Variants in DYNC2H1 observed in about 807,000 individuals in gnomAD.
DYNC2H1 encodes dynein cytoplasmic 2 heavy chain 1.
DYNC2H1 carries 410 observed loss-of-function variants against 570.0 expected under a neutral mutation model. The ratio of observed to expected loss-of-function variants is 0.72; its 90% confidence interval spans 0.66 to 0.78. DYNC2H1 has a LOEUF of 0.78. Ranked by LOEUF, DYNC2H1 falls within the 30% of genes least tolerant of loss-of-function variation. The probability of loss-of-function intolerance (pLI) is 0.00; values close to 1 mark genes in which losing one functional copy is unlikely to be tolerated. For synonymous variants in DYNC2H1, 1,688 were observed against 1,677.6 expected (o/e 1.01, Z -0.15); for missense variants, 4,865 against 5,046.4 (o/e 0.96, Z 1.09).
chr11:103,463,023 A>T (rs1324226451), intron 87 of DYNC2H1, among the ~76,000 whole-genome samples: 1 of 152,202 alleles, frequency 6.6e-6, no homozygotes, highest in African/African-American at 2.4e-5. Context: ...ATTCGTTCTC[A>T]AAAATTATGT....
chr11:103,142,287 C>T (rs1219226936), intron 17 of DYNC2H1, among the ~76,000 whole-genome samples: 2 of 152,224 alleles, frequency 1.3e-5, no homozygotes, highest in African/African-American at 4.8e-5. Context: ...GCAGAAATCA[C>T]CTGTCTTCTG....
Position 103,319,153 on chromosome 11 carries a change from C to T in DYNC2H1, c.11726-1876C>T, listed in dbSNP as rs192871511. Among the ~76,000 whole-genome samples, 3 of 152,098 alleles carry T rather than the reference C, an allele frequency of 2.0e-5. No homozygotes were observed. Among genetic ancestry groups the T allele is most frequent in the Non-Finnish European group, 1.5e-5 (1 of 67,954 alleles). ...TTGAATGATGTATCATTGTGTTTCA[C>T]GTTTGTGATAGAATTAATTAATAGC... On this transcript the variant is annotated intron_variant, in intron 80 of 88. Transcript: ENST00000375735. This position sits in a 1 kb window ranked among gnomAD's most constrained non-coding sequence, Gnocchi z 4.3.
In DYNC2H1 at chr11:103,239,226, A is replaced by AT. The variant is rs201592078; in HGVS notation, c.9819+2696dup. On this transcript the variant is annotated intron_variant, in intron 63 of 88. Transcript: ENST00000375735. The surrounding 1 kb of genome is among the most constrained non-coding windows in gnomAD (Gnocchi z 4.3). ...GTTTTAACCACTCAAAATTTCATAG[A>AT]TTTTTTTTTCTTGCTGCCTTTTGGT... Among the ~76,000 whole-genome samples the AT allele has an allele frequency of 8.3e-3, 1,264 of 151,766 alleles. 8 individuals are homozygous for AT. The highest frequency in any genetic ancestry group is 0.022 in the South Asian group (104 of 4,796).
At position 103,427,040 on chromosome 11, in the gene DYNC2H1, G is replaced by A. The variant is rs115637028; in HGVS notation, c.12367-8903G>A. 5.0e-3 allele frequency among the ~76,000 whole-genome samples: 760 copies of A among 152,228 alleles called. 3 individuals are homozygous for A. The highest frequency in any genetic ancestry group is 0.018 in the African/African-American group (727 of 41,534). ...AACTCAATACTACTAGCTTTACAAT[G>A]TTTATAGATCAAATGTTAACGTAAA... On this transcript the variant is annotated intron_variant, in intron 84 of 88. Transcript: ENST00000375735.
rs541531865 is a variant in DYNC2H1 at position 103,244,794 on chromosome 11, A to G, written c.9919-457A>G. On this transcript the variant is annotated intron_variant, in intron 64 of 88. Coordinates refer to ENST00000375735, the MANE Select transcript of DYNC2H1 (RefSeq NM_001377.3). The surrounding 1 kb of genome is among the most constrained non-coding windows in gnomAD (Gnocchi z 4.3). ...TTATATACATATAAGTACTATATCT[A>G]TATATAGTCATAGTTATAGACATAT... Among the ~76,000 whole-genome samples, 1 of 149,496 alleles carries G rather than the reference A, an allele frequency of 6.7e-6. No individual in the cohort carries two copies. The highest frequency in any genetic ancestry group is 2.4e-5 in the African/African-American group (1 of 41,016).
At chr11:103,370,104 C>G (rs1275818889) in intron 83 of DYNC2H1, among the ~76,000 whole-genome samples, 1 of 152,330 alleles carries the variant, frequency 6.6e-6, no homozygotes, top group East Asian at 1.9e-4. Context: ...AAGGGTGAGT[C>G]CCAGGTCAGG....
At chr11:103,211,756 A>G (rs1279951643) in intron 53 of DYNC2H1, 33 bp from the exon 54 acceptor site, 3 of 936,140 alleles carry the variant, frequency 3.2e-6, no homozygotes. Context: ...TCATACATAT[A>G]ATAAGTTATT....
chr11:103,432,333 C>T (rs182554168), intron 84 of DYNC2H1, among the ~76,000 whole-genome samples: 84 of 152,154 alleles, frequency 5.5e-4, no homozygotes, highest in Non-Finnish European at 6.9e-4. Context: ...ATAGAATGGC[C>T]GATGTTGAGT....
At position 103,271,552 on chromosome 11, in the gene DYNC2H1, T is replaced by C. The variant is rs140010637; in HGVS notation, c.10696-8796T>C. 2.6e-3 allele frequency among the ~76,000 whole-genome samples: 393 copies of C among 152,346 alleles called. 3 individuals are homozygous for C. Among genetic ancestry groups the C allele is most frequent in the African/African-American group, 9.1e-3 (377 of 41,586 alleles). ...GGAATGAATTACTTAGATTTTTTACTGCTTCCTTAGTCTCTTTGAGGATCA... is the reference window on the plus strand; with the variant it reads ...GGAATGAATTACTTAGATTTTTTACCGCTTCCTTAGTCTCTTTGAGGATCA... On this transcript the variant is annotated intron_variant, in intron 70 of 88. Coordinates refer to ENST00000375735, the MANE Select transcript of DYNC2H1 (RefSeq NM_001377.3).
intron 2 of DYNC2H1, 145 bp from the exon 3 acceptor site, chr11:103,113,958 T>G: frequency 1.0e-6 from 1 of 985,084 alleles, no homozygotes; most frequent in South Asian, 1.7e-5. Context: ...TAGTTTTAAC[T>G]GTTGAGAGGA....
chr11:103,199,486 C>A lies in DYNC2H1; in HGVS notation c.8088+10C>A. ...AAATGATCTCAAACATGTGAGTTGCCCACTCTCTTTTGCTTTATTTGGTTT... is the reference window on the plus strand; with the variant it reads ...AAATGATCTCAAACATGTGAGTTGCACACTCTCTTTTGCTTTATTTGGTTT... On this transcript the variant is annotated intron_variant, in intron 49 of 88. Coordinates refer to ENST00000375735, the MANE Select transcript of DYNC2H1 (RefSeq NM_001377.3). This position sits in a 1 kb window ranked among gnomAD's most constrained non-coding sequence, Gnocchi z 4.6. 1 of 1,548,942 alleles carries A rather than the reference C, an allele frequency of 6.5e-7. No homozygotes were observed. The highest frequency in any genetic ancestry group is 8.7e-7 in the Non-Finnish European group (1 of 1,146,754).
In DYNC2H1 at chr11:103,187,399, G is replaced by A. The variant is rs1862116391; in HGVS notation, c.6953G>A (p.Cys2318Tyr). Residue 2318 changes from cysteine (C) to tyrosine (Y), a missense_variant, in exon 43 of 89, where the codon TGT becomes TAT. By Grantham distance (194) the Cys-to-Tyr change is radical (BLOSUM62 -2). Coordinates refer to ENST00000375735, the MANE Select transcript of DYNC2H1 (RefSeq NM_001377.3). ...TCCACTCAAATTGCTACAGTTCACT[G>A]TAGTGCACAAACCACTTCTCGACAT... ...LRSTQIATVH[C>Y]SAQTTSRHLL... The A allele has an allele frequency of 6.2e-7, 1 of 1,613,166 alleles. No homozygotes were observed. Among genetic ancestry groups the A allele is most frequent in the Non-Finnish European group, 8.5e-7 (1 of 1,179,394 alleles).
At chr11:103,373,464 A>G (rs1941262037) in intron 83 of DYNC2H1, among the ~76,000 whole-genome samples, 1 of 152,090 alleles carries the variant, frequency 6.6e-6, no homozygotes, top group South Asian at 2.1e-4. Context: ...CCCACTGGTT[A>G]TTAGGGGCAT....
rs937596565 is a variant in DYNC2H1 at position 103,133,371 on chromosome 11, G to A, written c.1954-184G>A. Among the ~76,000 whole-genome samples, 3 of 152,130 alleles carry A rather than the reference G, an allele frequency of 2.0e-5. No individual in the cohort carries two copies. Among genetic ancestry groups the A allele is most frequent in the Non-Finnish European group, 1.5e-5 (1 of 68,028 alleles). Reference sequence around the variant, plus strand: ...GGCTTTTTAGTTGTAAAAGGGAGAAGCTGGAAGAAATGGGCTACTCAATCT... The same window carrying A: ...GGCTTTTTAGTTGTAAAAGGGAGAAACTGGAAGAAATGGGCTACTCAATCT... On this transcript the variant is annotated intron_variant, in intron 13 of 88. Coordinates refer to ENST00000375735, the MANE Select transcript of DYNC2H1 (RefSeq NM_001377.3). The surrounding 1 kb of genome is among the most constrained non-coding windows in gnomAD (Gnocchi z 4.8).
rs764111726 is a variant in DYNC2H1, at chr11:103,325,165, C to G, written c.12039+1175C>G. Among the ~76,000 whole-genome samples the G allele has an allele frequency of 6.6e-6, 1 of 152,108 alleles. No homozygotes were observed. The highest frequency in any genetic ancestry group is 1.5e-5 in the Non-Finnish European group (1 of 68,022). ...CATTTTCTCCTATTCTGTAGGTTGTCTGTTTACTCTGTTGATAGTCTCTTT... is the reference window on the plus strand; with the variant it reads ...CATTTTCTCCTATTCTGTAGGTTGTGTGTTTACTCTGTTGATAGTCTCTTT... On this transcript the variant is annotated intron_variant, in intron 82 of 88. Coordinates refer to ENST00000375735, the MANE Select transcript of DYNC2H1 (RefSeq NM_001377.3). The surrounding 1 kb of genome is among the most constrained non-coding windows in gnomAD (Gnocchi z 4.8).
intron 66 of DYNC2H1, 112 bp downstream of exon 66, chr11:103,253,560 A>C (rs774595909): frequency 1.2e-4 from 127 of 1,064,586 alleles, no homozygotes; most frequent in Non-Finnish European, 1.3e-4. Flanking sequence ...TACATTTATG[A>C]TTTTGAAAAT....
Position 103,109,709 on chromosome 11 carries a change from CG to C in DYNC2H1, c.137del (p.Gly46AlafsTer40), listed in dbSNP as rs1565304660. ...CLEINNFLDD[G>X]NQMLLRVQRS... is the part of the protein sequence containing the mutation. ...TTGAAATCAACAACTTCTTGGATGA[CG>C]GCAACCAGATGCTCCTCAGGGTGCA... On this transcript the variant is annotated frameshift_variant, in exon 1 of 89. Coordinates refer to ENST00000375735, the MANE Select transcript of DYNC2H1 (RefSeq NM_001377.3). LOFTEE classifies it high-confidence loss of function. 1 of 1,613,950 alleles carries C rather than the reference CG, an allele frequency of 6.2e-7. No individual in the cohort carries two copies. The highest frequency in any genetic ancestry group is 2.2e-5 in the East Asian group (1 of 44,870).
chr11:103,219,259 T>A (rs529457694), intron 55 of DYNC2H1, among the ~76,000 whole-genome samples: 1 of 152,254 alleles, frequency 6.6e-6, no homozygotes, highest in African/African-American at 2.4e-5. Flanking sequence ...GACAAATATA[T>A]ACAAAGATGT....
At chr11:103,304,396 G>A (rs1867187649) in intron 76 of DYNC2H1, among the ~76,000 whole-genome samples, 199 bp from the exon 77 acceptor site, 1 of 151,970 alleles carries the variant, frequency 6.6e-6, no homozygotes, top group East Asian at 1.9e-4. Context: ...GATTTTGGCA[G>A]GAAGGTTAAA....
Sources: allele counts gnomAD v4.1 joint callset (sites outside exome capture counted in the v4.1 genomes callset), GRCh38; gene constraint gnomAD v4.1.1; non-coding constraint Gnocchi (gnomAD v3.1); transcripts MANE v1.5; gene names NCBI Gene and HGNC (gene_info 2026-07-23, HGNC 2026-07-21).